The following AIM2 variants were observed in gnomAD, a reference collection of about 807,000 sequenced individuals.
The protein encoded by AIM2 is interferon-inducible protein AIM2.
Under a neutral mutation model 27.7 loss-of-function variants are expected in AIM2, and 30 were observed. The observed-to-expected ratio is 1.08, with a 90% CI of 0.81 to 1.47. The LOEUF (loss-of-function observed/expected upper bound fraction) is 1.47, where lower values mean the gene tolerates loss of function less well. Among genes scored for constraint, AIM2 ranks in the 40% most tolerant of loss-of-function variants. The pLI, the probability that AIM2 is intolerant of heterozygous loss-of-function variation, is 0.00. For missense variants in AIM2, 358 were observed against 411.3 expected (o/e 0.87, Z 1.12); for synonymous variants, 141 against 145.3 (o/e 0.97, Z 0.21).
intron 1 of AIM2, among the ~76,000 whole-genome samples, chr1:159,102,884 G>T (rs559579586): frequency 5.9e-5 from 9 of 152,276 alleles, no homozygotes; most frequent in African/African-American, 1.7e-4. Flanking sequence ...ACGAGACTTT[G>T]GACTTGGACT....
chr1:159,100,053 G>A (rs1423087338), intron 1 of AIM2, among the ~76,000 whole-genome samples: 1 of 152,186 alleles, frequency 6.6e-6, no homozygotes, highest in Admixed American at 6.5e-5. Flanking sequence ...CCCACAATAA[G>A]TGAACTGGCA....
At chr1:159,135,776 C>T (rs1164980769) in intron 1 of AIM2, among the ~76,000 whole-genome samples, 2 of 152,146 alleles carry the variant, frequency 1.3e-5, no homozygotes, top group African/African-American at 2.4e-5. Context: ...CCAGAAGATG[C>T]TCCCTTCAGA....
Position 159,117,997 on chromosome 1 carries a change from T to C in AIM2, c.-16+22434A>G, listed in dbSNP as rs1435427572. Among the ~76,000 whole-genome samples the C allele has an allele frequency of 5.3e-5, 8 of 152,264 alleles. 1 individual carries two copies. The South Asian group carries it at 1.5e-3, about 28-fold the overall frequency. ...GAAACCGGGTTAGATATCATGATAT[T>C]TAACCACTAACTACATCAGCATACA... On this transcript the variant is annotated intron_variant, in intron 1 of 2. Coordinates refer to the AIM2 transcript ENST00000368129.
chr1:159,082,935 G>C (rs894505426), intron 1 of AIM2, among the ~76,000 whole-genome samples: 3 of 152,176 alleles, frequency 2.0e-5, no homozygotes, highest in Non-Finnish European at 4.4e-5. Flanking sequence ...AGGAAAAAGT[G>C]TGTGAGATAT....
intron 2 of AIM2, among the ~76,000 whole-genome samples, chr1:159,071,508 TTTGTTG>T (rs899058104): frequency 2.6e-5 from 4 of 151,956 alleles, no homozygotes; most frequent in African/African-American, 9.7e-5. Flanking sequence ...TACTTTGTGT[TTTGTTG>T]TTGTTGTTGT....
intron 1 of AIM2, among the ~76,000 whole-genome samples, chr1:159,103,183 C>T (rs976307537): frequency 2.6e-5 from 4 of 152,150 alleles, no homozygotes; most frequent in African/African-American, 4.8e-5. Context: ...CTGGCATTTT[C>T]CCTGCTGGCA....
chr1:159,063,583 T>G lies in AIM2; in HGVS notation c.908A>C (p.Lys303Thr). Reference sequence around the variant, plus strand: ...TCGAACCTTATCTCCTTCCTTACATTTCATTGTGTCCTCGTTTCTAACCCC... The same window carrying G: ...TCGAACCTTATCTCCTTCCTTACATGTCATTGTGTCCTCGTTTCTAACCCC... ...VLGVRNEDTMKCKEGDKVRLT... is the reference protein window; with the variant it reads ...VLGVRNEDTMTCKEGDKVRLT... Residue 303 changes from lysine (K) to threonine (T), a missense_variant, in exon 5 of 6, where the codon AAA (lysine) becomes ACA (threonine). Coordinates refer to ENST00000368130, the MANE Select transcript of AIM2 (RefSeq NM_004833.3). The G allele has an allele frequency of 6.2e-7, 1 of 1,614,198 alleles. No individual in the cohort carries two copies. Among genetic ancestry groups the G allele is most frequent in the South Asian group, 1.1e-5 (1 of 91,076 alleles).
At chr1:159,068,307 C>T (rs1215274872) in intron 3 of AIM2, among the ~76,000 whole-genome samples, 1 of 152,218 alleles carries the variant, frequency 6.6e-6, no homozygotes, top group Non-Finnish European at 1.5e-5. Flanking sequence ...CGGTCTATCT[C>T]AGAGTTTTCT....
At chr1:159,132,977 C>T (rs558590697) in intron 1 of AIM2, among the ~76,000 whole-genome samples, 2 of 152,338 alleles carry the variant, frequency 1.3e-5, no homozygotes, top group South Asian at 2.1e-4. Context: ...AGAAGGATAG[C>T]CACTGTCATC....
At position 159,073,511 on chromosome 1, in the gene AIM2, G is replaced by C; in HGVS notation, c.-12C>G. On this transcript the variant is annotated 5_prime_UTR_variant, in exon 2 of 6. Transcript: ENST00000368130. ...TATTTACTCTCCATCTGACAACTTT[G>C]GGATCAGCCTATAAGGAATCCAAAA... The C allele has an allele frequency of 6.2e-7, 1 of 1,612,306 alleles. No individual in the cohort carries two copies. The highest frequency in any genetic ancestry group is 2.2e-5 in the East Asian group (1 of 44,838).
At chr1:159,132,917 C>T (rs1647929758) in intron 1 of AIM2, among the ~76,000 whole-genome samples, 1 of 152,214 alleles carries the variant, frequency 6.6e-6, no homozygotes, top group Non-Finnish European at 1.5e-5. Context: ...AACACCTTCT[C>T]TTTTTCTCAG....
chr1:159,130,212 T>C (rs1375442575), intron 1 of AIM2, among the ~76,000 whole-genome samples: 1 of 152,250 alleles, frequency 6.6e-6, no homozygotes, highest in African/African-American at 2.4e-5. Flanking sequence ...CCTTAAATGA[T>C]GGGTTCCTCA....
upstream of AIM2, among the ~76,000 whole-genome samples, chr1:159,078,706 A>G (rs1252825365): frequency 1.3e-5 from 2 of 152,188 alleles, no homozygotes; most frequent in African/African-American, 4.8e-5. Context: ...GTGACACAAG[A>G]CACAGAAGGG....
At chr1:159,125,099 C>T (rs1287967084) in intron 1 of AIM2, among the ~76,000 whole-genome samples, 1 of 152,186 alleles carries the variant, frequency 6.6e-6, no homozygotes, top group Non-Finnish European at 1.5e-5. Flanking sequence ...AGCCTGACTG[C>T]TTCTCTGAGA....
rs144931804 is a variant in AIM2, at chr1:159,130,510, T to G, written c.-16+9921A>C. On this transcript the variant is annotated intron_variant, in intron 1 of 2. Transcript: ENST00000368129. The stretch of plus-strand genomic sequence containing the variant: ...TATCCCCTTTCTCATTAAAAGGCAC[T>G]TCCATTCACTCATTTGCTCAAGCCA... Among the ~76,000 whole-genome samples, 300 of 152,288 alleles carry G rather than the reference T, an allele frequency of 2.0e-3. 2 individuals are homozygous for G. Among genetic ancestry groups the G allele is most frequent in the Middle Eastern group, 0.017 (5 of 294 alleles).
chr1:159,060,728 T>TC (rs56973159), downstream of AIM2, among the ~76,000 whole-genome samples: 9,572 of 152,320 alleles, frequency 0.063, 396 homozygotes, highest in African/African-American at 0.11. Context: ...CAGTAGTTAT[T>TC]CTTTTTATTG....
chr1:159,092,778 C>T (rs1035440898), intron 1 of AIM2, among the ~76,000 whole-genome samples: 3 of 152,116 alleles, frequency 2.0e-5, no homozygotes, highest in Non-Finnish European at 4.4e-5. Context: ...AATCCTAGAA[C>T]TTTGGGAGGC....
upstream of AIM2, among the ~76,000 whole-genome samples, chr1:159,141,608 G>A (rs1017965523): frequency 2.6e-5 from 4 of 152,066 alleles, no homozygotes; most frequent in African/African-American, 9.7e-5. Context: ...CCTGCCAGGT[G>A]ACCATCTCTG....
At chr1:159,139,529 T>G (rs557758636) in intron 1 of AIM2, among the ~76,000 whole-genome samples, 3 of 152,270 alleles carry the variant, frequency 2.0e-5, no homozygotes, top group Non-Finnish European at 4.4e-5. Context: ...TATACTCTTT[T>G]TTTTAATACA....
Sources: allele counts gnomAD v4.1 joint callset (sites outside exome capture counted in the v4.1 genomes callset), GRCh38; gene constraint gnomAD v4.1.1; transcripts MANE v1.5; gene names NCBI Gene and HGNC (gene_info 2026-07-23, HGNC 2026-07-21).